Variants in SERPINB7 observed in about 807,000 individuals in gnomAD.
The protein encoded by SERPINB7 is serpin B7.
A neutral mutation model predicts 37.4 loss-of-function variants in SERPINB7; 31 were observed. That is an observed-to-expected ratio of 0.83 (90% confidence interval 0.62 to 1.12). The LOEUF (loss-of-function observed/expected upper bound fraction) is 1.12. Among genes scored for constraint, SERPINB7 ranks in the 50% most tolerant of loss-of-function variants. SERPINB7 has a pLI of 0.00. For synonymous variants in SERPINB7, 163 were observed against 166.1 expected, an observed-to-expected ratio of 0.98 and a Z score of 0.14; for missense variants, 521 against 455.3, an observed-to-expected ratio of 1.14 and a Z score of -1.31.
chr18:63,775,400 C>T (rs1458634650), upstream of SERPINB7: 3 of 152,126 alleles, frequency 2.0e-5, no homozygotes, highest in African/African-American at 4.8e-5. Context: ...GAAGCCATCC[C>T]AGAAGCCAGG....
intron 7 of SERPINB7, among the ~76,000 whole-genome samples, chr18:63,803,164 C>T (rs978181276): frequency 6.6e-6 from 1 of 152,036 alleles, no homozygotes; most frequent in Non-Finnish European, 1.5e-5. Flanking sequence ...TATAAACCTA[C>T]ATACTATACA....
At chr18:63,773,163 G>C (rs1288548447), upstream of SERPINB7, among the ~76,000 whole-genome samples, 1 of 152,050 alleles carries the variant, frequency 6.6e-6, no homozygotes, top group Non-Finnish European at 1.5e-5. Context: ...TCACATGATA[G>C]AATCTGCAAT....
chr18:63,794,110 A>T (rs1339098630), intron 4 of SERPINB7, among the ~76,000 whole-genome samples: 4 of 105,566 alleles, frequency 3.8e-5, no homozygotes, highest in African/African-American at 1.1e-4. Context: ...CATCCTGCTA[A>T]TTTTTTTTTT....
In SERPINB7 at chr18:63,796,270, A is replaced by G. The variant is rs1274572359; in HGVS notation, c.341A>G (p.Tyr114Cys). 1 of 1,581,414 alleles carries G rather than the reference A, an allele frequency of 6.3e-7. No individual in the cohort carries two copies. Among genetic ancestry groups the G allele is most frequent in the South Asian group, 1.1e-5 (1 of 90,274 alleles). Reference sequence around the variant, plus strand: ...GAACTATATTCTTCTTTATAGGACTACATTGAGTGTGCCGAAAAATTATAC... The same window carrying G: ...GAACTATATTCTTCTTTATAGGACTGCATTGAGTGTGCCGAAAAATTATAC... Reference protein sequence around the residue: ...AEKVYGFHKDYIECAEKLYDA... With the variant: ...AEKVYGFHKDCIECAEKLYDA... Residue 114 changes from tyrosine to cysteine, a missense_variant, in exon 5 of 8, where the codon TAC becomes TGC. Physicochemically the swap from Tyr to Cys is radical, Grantham distance 194. Transcript: ENST00000398019.
rs770517699 is a variant in SERPINB7, at chr18:63,804,645, T to A, written c.*10T>A. ...AGTTTCTTGCCCTTGAAAATCCAAT[T>A]GGTTTCTGTTATAGCAGTCCCCACA... On this transcript the variant is annotated 3_prime_UTR_variant, in exon 8 of 8. Coordinates refer to ENST00000398019, the MANE Select transcript of SERPINB7 (RefSeq NM_003784.4). 7.5e-6 allele frequency: 12 copies of A among 1,596,002 alleles called. No individual in the cohort carries two copies. Among genetic ancestry groups the A allele is most frequent in the Non-Finnish European group, 1.0e-5 (12 of 1,171,068 alleles).
intron 2 of SERPINB7, among the ~76,000 whole-genome samples, chr18:63,787,062 C>T (rs1489086435): frequency 6.6e-6 from 1 of 152,064 alleles, no homozygotes; most frequent in Admixed American, 6.6e-5. Flanking sequence ...TCATATACAA[C>T]CTATACATAT....
chr18:63,796,441 G>A (rs2049489965), intron 5 of SERPINB7, 58 bp downstream of exon 5: 4 of 945,722 alleles, frequency 4.2e-6, no homozygotes, highest in African/African-American at 1.6e-5. Context: ...GTGAATACTG[G>A]GAACAAAAGC....
chr18:63,781,178 C>T (rs2049297651), intron 1 of SERPINB7, among the ~76,000 whole-genome samples: 1 of 152,038 alleles, frequency 6.6e-6, no homozygotes, highest in South Asian at 2.1e-4. Context: ...TCCTTGTGAC[C>T]CCCTTCCTCA....
intron 1 of SERPINB7, among the ~76,000 whole-genome samples, chr18:63,765,803 T>C (rs2049177768): frequency 6.6e-6 from 1 of 152,190 alleles, no homozygotes; most frequent in African/African-American, 2.4e-5. Context: ...AAACCGATTT[T>C]TTTCCTTCAT....
rs150690778 is a variant in SERPINB7 at position 63,761,204 on chromosome 18, A to G, written c.-19+8084A>G. 4.6e-3 allele frequency among the ~76,000 whole-genome samples: 707 copies of G among 152,320 alleles called. 5 individuals are homozygous for G. The highest frequency in any genetic ancestry group is 0.015 in the African/African-American group (644 of 41,584). ...AGCATGACCTGGATGTGAGACCTGG[A>G]GGCAAAGGAGATTATTTTGGAGCTT... is the stretch of plus-strand genomic sequence containing the variant. On this transcript the variant is annotated intron_variant, in intron 1 of 7. Coordinates refer to the SERPINB7 transcript ENST00000336429.
intron 1 of SERPINB7, among the ~76,000 whole-genome samples, chr18:63,756,788 A>G (rs2049124306): frequency 7.3e-6 from 1 of 137,502 alleles, no homozygotes; most frequent in Non-Finnish European, 1.6e-5. Context: ...AGTTGTTTCC[A>G]GGGTCTTGGG....
upstream of SERPINB7, chr18:63,775,391 A>C (rs769893359): frequency 6.6e-6 from 1 of 152,182 alleles, no homozygotes; most frequent in Non-Finnish European, 1.5e-5. Context: ...AGTCATAGGG[A>C]AGCCATCCCA....
upstream of SERPINB7, among the ~76,000 whole-genome samples, chr18:63,770,899 ACT>A (rs1491013787): frequency 7.4e-3 from 1,095 of 147,216 alleles, 4 homozygotes; most frequent in Middle Eastern, 0.017. Flanking sequence ...ACACACACAC[ACT>A]CACTCACACA....
At chr18:63,793,680 T>A (rs2049453701) in intron 4 of SERPINB7, among the ~76,000 whole-genome samples, 1 of 152,156 alleles carries the variant, frequency 6.6e-6, no homozygotes, top group African/African-American at 2.4e-5. Flanking sequence ...AATTTTTTTG[T>A]TGTTGAGAAA....
chr18:63,776,422 C>T (rs1322575326), intron 1 of SERPINB7, among the ~76,000 whole-genome samples: 1 of 151,796 alleles, frequency 6.6e-6, no homozygotes, highest in Non-Finnish European at 1.5e-5. Flanking sequence ...TCATGAAGGG[C>T]ATCTTACTGT....
chr18:63,804,067 G>T (rs1568216513), intron 7 of SERPINB7, among the ~76,000 whole-genome samples, 170 bp from the exon 8 acceptor site: 1 of 152,094 alleles, frequency 6.6e-6, no homozygotes, highest in Non-Finnish European at 1.5e-5. Context: ...AAGTACTTGA[G>T]CTATTCATTT....
chr18:63,802,733 A>G (rs989579998), intron 7 of SERPINB7, among the ~76,000 whole-genome samples: 1 of 152,214 alleles, frequency 6.6e-6, no homozygotes, highest in African/African-American at 2.4e-5. Flanking sequence ...AATATAAAGA[A>G]ACAGACATGC....
chr18:63,761,948 C>G (rs989930409), intron 1 of SERPINB7, among the ~76,000 whole-genome samples: 1 of 152,206 alleles, frequency 6.6e-6, no homozygotes, highest in South Asian at 2.1e-4. Flanking sequence ...TAGGTCTGAC[C>G]TGATCCAACT....
intron 2 of SERPINB7, among the ~76,000 whole-genome samples, chr18:63,789,930 C>G (rs984255465): frequency 6.6e-6 from 1 of 152,198 alleles, no homozygotes; most frequent in East Asian, 1.9e-4. Context: ...GCTGATGTTC[C>G]CAGGCTGTTG....
Sources: allele counts gnomAD v4.1 joint callset (sites outside exome capture counted in the v4.1 genomes callset), GRCh38; gene constraint gnomAD v4.1.1; transcripts MANE v1.5; gene names NCBI Gene and HGNC (gene_info 2026-07-23, HGNC 2026-07-21).